The following CACNG8 variants were observed in gnomAD, a reference collection of about 807,000 sequenced individuals.
CACNG8 encodes calcium voltage-gated channel auxiliary subunit gamma 8, also known as voltage-dependent calcium channel gamma-8 subunit.
CACNG8 carries 5 observed loss-of-function variants against 26.9 expected under a neutral mutation model. The ratio of observed to expected loss-of-function variants is 0.19; its 90% CI spans 0.10 to 0.39. The LOEUF (loss-of-function observed/expected upper bound fraction) is 0.39, where lower values mean the gene tolerates loss of function less well. Ranked by LOEUF, CACNG8 falls within the 10% of genes least tolerant of loss-of-function variation. The probability of loss-of-function intolerance (pLI) is 1.00; values close to 1 mark genes in which losing one functional copy is unlikely to be tolerated. For synonymous variants in CACNG8, 321 were observed against 296.7 expected, an observed-to-expected ratio of 1.08 and a Z score of -0.84; for missense variants, 473 against 609.4, an observed-to-expected ratio of 0.78 and a Z score of 2.36.
At position 53,987,984 on chromosome 19, in the gene CACNG8, G is replaced by A. The variant is rs144397142; in HGVS notation, c.*5135G>A. The A allele has an allele frequency of 1.3e-5, 2 of 152,362 alleles. No individual in the cohort carries two copies. The highest frequency in any genetic ancestry group is 2.9e-5 in the Non-Finnish European group (2 of 68,050). 9.4% of individuals were successfully genotyped at this position (152,362 alleles called of 1,614,324 possible). A position where few individuals can be genotyped will look rare whatever the true frequency, so the allele number is the denominator to read the frequency against. ...GGGGGAGAAGGGGATGTAGCAAAACGAGCTTAGGAGTGATCTCGAGGTAGG... is the reference window on the plus strand; with the variant it reads ...GGGGGAGAAGGGGATGTAGCAAAACAAGCTTAGGAGTGATCTCGAGGTAGG... On this transcript the variant is annotated 3_prime_UTR_variant, in exon 4 of 4. Coordinates refer to ENST00000270458, the MANE Select transcript of CACNG8 (RefSeq NM_031895.6).
chr19:53,982,031 G>A lies in CACNG8; in HGVS notation c.509-49G>A, dbSNP rs781381207. ...GCAGGGGTCGGGGCCGGGGGCGGGG[G>A]CGGGGCCGGGGGTGGCCTCGAGGCT... is the stretch of plus-strand genomic sequence containing the variant. On this transcript the variant is annotated intron_variant, in intron 3 of 3. Transcript: ENST00000270458. The surrounding 1 kb of genome is among the most constrained non-coding windows in gnomAD (Gnocchi z 8.4). 10 of 1,504,570 alleles carry A rather than the reference G, an allele frequency of 6.6e-6. No individual in the cohort carries two copies. Among genetic ancestry groups the A allele is most frequent in the Non-Finnish European group, 1.8e-6 (2 of 1,131,452 alleles). 93.2% of individuals were successfully genotyped at this position (1,504,570 alleles called of 1,614,324 possible).
intron 1 of CACNG8, among the ~76,000 whole-genome samples, chr19:53,975,453 C>T (rs918079989): frequency 2.0e-5 from 3 of 152,126 alleles, no homozygotes; most frequent in East Asian, 1.9e-4. Context: ...GATCTCAGCG[C>T]GCTGCAACCT....
At chr19:53,978,064 G>A (rs2069340412) in intron 1 of CACNG8, 82 bp from the exon 2 acceptor site, 15 of 922,218 alleles carry the variant, frequency 1.6e-5, no homozygotes, top group East Asian at 7.7e-5. Context: ...TTTGGGGAAG[G>A]GAAGGGTCGG....
At chr19:53,963,679 C>T (rs80080252) in intron 1 of CACNG8, among the ~76,000 whole-genome samples, 102 of 152,228 alleles carry the variant, frequency 6.7e-4, no homozygotes, top group African/African-American at 2.3e-3. Flanking sequence ...CGCTGAACCC[C>T]CTTATCCTAT....
intron 1 of CACNG8, among the ~76,000 whole-genome samples, chr19:53,969,554 C>T (rs961131427): frequency 2.6e-5 from 4 of 152,002 alleles, no homozygotes; most frequent in African/African-American, 7.3e-5. Flanking sequence ...GCCACCCTGC[C>T]CGGCCCAGCA....
chr19:53,977,059 C>CT (rs2069334130), intron 1 of CACNG8, among the ~76,000 whole-genome samples: 1 of 152,230 alleles, frequency 6.6e-6, no homozygotes, highest in Non-Finnish European at 1.5e-5. Context: ...CTCCCATGCC[C>CT]TACCCCCTCC....
intron 1 of CACNG8, among the ~76,000 whole-genome samples, chr19:53,974,190 A>C (rs1218877701): frequency 6.6e-6 from 1 of 152,208 alleles, no homozygotes; most frequent in African/African-American, 2.4e-5. Flanking sequence ...AATTTCATAT[A>C]AGTGGAATGA....
intron 1 of CACNG8, among the ~76,000 whole-genome samples, chr19:53,965,121 C>A (rs146033339): frequency 1.3e-5 from 2 of 152,102 alleles, no homozygotes; most frequent in African/African-American, 4.8e-5. Flanking sequence ...AGAAAGGGGC[C>A]GAGCCAAGAG....
intron 3 of CACNG8, among the ~76,000 whole-genome samples, chr19:53,981,734 C>T (rs1361986302): frequency 6.6e-6 from 1 of 151,996 alleles, no homozygotes; most frequent in African/African-American, 2.4e-5. Flanking sequence ...CAGTCTGGAC[C>T]ATTGGCGGCC....
chr19:53,978,696 A>C (rs1050332433), intron 2 of CACNG8, among the ~76,000 whole-genome samples: 1 of 147,938 alleles, frequency 6.8e-6, no homozygotes, highest in Non-Finnish European at 1.5e-5. Flanking sequence ...CCAGGTTCCG[A>C]AATCGCAAAA....
At chr19:53,981,750 C>T (rs1404586855) in intron 3 of CACNG8, among the ~76,000 whole-genome samples, 1 of 152,102 alleles carries the variant, frequency 6.6e-6, no homozygotes, top group Non-Finnish European at 1.5e-5. Flanking sequence ...CGGCCCTACA[C>T]CACCTGGGGG....
chr19:53,963,062 A>T lies in CACNG8; in HGVS notation c.-81A>T. The T allele has an allele frequency of 3.9e-6, 2 of 507,114 alleles. No homozygotes were observed. The highest frequency in any genetic ancestry group is 5.6e-6 in the Non-Finnish European group (2 of 360,320). The allele number at this position is 507,114 out of a possible 1,614,324, so 31.4% of individuals were successfully genotyped here. A position where few individuals can be genotyped will look rare whatever the true frequency, so the allele number is the denominator to read the frequency against. On this transcript the variant is annotated 5_prime_UTR_variant, in exon 1 of 4. Coordinates refer to ENST00000270458, the MANE Select transcript of CACNG8 (RefSeq NM_031895.6). ...GCCCCCCGCTTCTGCCTGCGCTGTG[A>T]ACCCCCCCCCAGCCGCCGGCACGGC...
rs1568805366 is a variant in CACNG8, at chr19:53,987,046, T to A, written c.*4197T>A. On this transcript the variant is annotated 3_prime_UTR_variant, in exon 4 of 4. Transcript: ENST00000270458. ...GCTTGGAGGGTTTTGAGCACAGGCA[T>A]GCCATGATCATATTTTTATTTTCTT... is the stretch of plus-strand genomic sequence containing the variant. 6.6e-6 allele frequency: 1 copy of A among 152,216 alleles called. No individual in the cohort carries two copies. The highest frequency in any genetic ancestry group is 2.4e-5 in the African/African-American group (1 of 41,460). 9.4% of individuals were successfully genotyped at this position (152,216 alleles called of 1,614,324 possible).
chr19:53,974,930 G>A (rs901631251), intron 1 of CACNG8, among the ~76,000 whole-genome samples: 1 of 148,848 alleles, frequency 6.7e-6, no homozygotes. Context: ...GTGAGCTACC[G>A]CACCCAGCCT....
chr19:53,985,157 T>A lies in CACNG8; in HGVS notation c.*2308T>A, dbSNP rs1375458706. On this transcript the variant is annotated 3_prime_UTR_variant, in exon 4 of 4. Coordinates refer to ENST00000270458, the MANE Select transcript of CACNG8 (RefSeq NM_031895.6). Reference sequence around the variant, plus strand: ...TGCTCAGCAAGTGTTTCCTGAGGCCTCCCCCGAAGCCTTGTGCTGGGCGGT... The same window carrying A: ...TGCTCAGCAAGTGTTTCCTGAGGCCACCCCCGAAGCCTTGTGCTGGGCGGT... 2 of 152,178 alleles carry A rather than the reference T, an allele frequency of 1.3e-5. No homozygotes were observed. Among genetic ancestry groups the A allele is most frequent in the East Asian group, 3.9e-4 (2 of 5,192 alleles). The allele number at this position is 152,178 out of a possible 1,614,324, so 9.4% of individuals were successfully genotyped here.
chr19:53,969,144 C>G (rs1285432876), intron 1 of CACNG8, among the ~76,000 whole-genome samples: 1 of 152,032 alleles, frequency 6.6e-6, no homozygotes, highest in Non-Finnish European at 1.5e-5. Flanking sequence ...GCTGGGATTA[C>G]AGGTACCCAC....
Position 53,982,032 on chromosome 19 carries a change from CGGGGCCGGGGGT to C in CACNG8, c.509-45_509-34del. 8.6e-7 allele frequency: 1 copy of C among 1,164,018 alleles called. No individual in the cohort carries two copies. The highest frequency in any genetic ancestry group is 3.2e-4 in the Middle Eastern group (1 of 3,172). 72.1% of individuals were successfully genotyped at this position (1,164,018 alleles called of 1,614,324 possible). On this transcript the variant is annotated intron_variant, in intron 3 of 3. Coordinates refer to ENST00000270458, the MANE Select transcript of CACNG8 (RefSeq NM_031895.6). The surrounding 1 kb of genome is among the most constrained non-coding windows in gnomAD (Gnocchi z 8.4). ...CAGGGGTCGGGGCCGGGGGCGGGGG[CGGGGCCGGGGGT>C]GGCCTCGAGGCTCCCGTCTGACCGT...
Position 53,987,618 on chromosome 19 carries a change from A to T in CACNG8, c.*4769A>T, listed in dbSNP as rs2069415482. On this transcript the variant is annotated 3_prime_UTR_variant, in exon 4 of 4. Transcript: ENST00000270458. ...GGGAAGGAAAAGGAACCAGGAAGAG[A>T]AGAACTCTCTGAATTGGGCACGCAC... 1 of 152,294 alleles carries T rather than the reference A, an allele frequency of 6.6e-6. No homozygotes were observed. The highest frequency in any genetic ancestry group is 2.1e-4 in the South Asian group (1 of 4,818). The allele number at this position is 152,294 out of a possible 1,614,324, so 9.4% of individuals were successfully genotyped here. A position where few individuals can be genotyped will look rare whatever the true frequency, so the allele number is the denominator to read the frequency against.
intron 2 of CACNG8, among the ~76,000 whole-genome samples, chr19:53,979,598 A>G (rs1600035013): frequency 1.3e-5 from 2 of 152,190 alleles, no homozygotes; most frequent in East Asian, 3.9e-4. Context: ...AAGAGGGGGA[A>G]AGATATTCCA....
Sources: gnomAD v4.1 joint callset for allele counts (sites outside exome capture counted in the v4.1 genomes callset) on GRCh38, gnomAD v4.1.1 for gene constraint, Gnocchi (gnomAD v3.1) non-coding constraint, MANE v1.5 for transcripts, NCBI Gene and HGNC (gene_info 2026-07-23, HGNC 2026-07-21) for gene names.